The following ATP13A5 variants were observed in gnomAD, a reference collection of about 807,000 sequenced individuals.
ATP13A5 encodes the protein probable cation-transporting ATPase 13A5.
A neutral mutation model predicts 150.2 loss-of-function variants in ATP13A5; 149 were observed. That is an observed-to-expected ratio of 0.99 (90% confidence interval 0.87 to 1.14). ATP13A5 has a LOEUF of 1.14. Ranked by LOEUF, ATP13A5 falls within the 50% of genes most tolerant of loss-of-function variation. The pLI, the probability that ATP13A5 is intolerant of heterozygous loss-of-function variation, is 0.00. For missense variants in ATP13A5, 1,383 were observed against 1,449.3 expected (o/e 0.95, Z 0.74); for synonymous variants, 497 against 522.2 (o/e 0.95, Z 0.66).
Position 193,324,891 on chromosome 3 carries a change from G to T in ATP13A5, c.1647C>A (p.Asp549Glu). The change falls in exon 14 of 30, where the codon GAC (aspartate) becomes GAA (glutamate). Residue 549 changes from aspartate to glutamate, a missense_variant. Transcript: ENST00000342358. ...LNGTIQGDPL[D>E]LKMFEGTAWK... ...AGGCAGTGCCCTCAAACATTTTGAG[G>T]TCCAGAGGGTCTCCCTGGATGGTCC... 6.2e-7 allele frequency: 1 copy of T among 1,614,032 alleles called. No individual in the cohort carries two copies. The highest frequency in any genetic ancestry group is 8.5e-7 in the Non-Finnish European group (1 of 1,179,944).
chr3:193,295,723 A>G (rs1057489181), intron 25 of ATP13A5, among the ~76,000 whole-genome samples: 4 of 152,148 alleles, frequency 2.6e-5, no homozygotes, highest in Admixed American at 2.0e-4. Context: ...GATTATCGCC[A>G]TATCTCCATA....
intron 13 of ATP13A5, among the ~76,000 whole-genome samples, chr3:193,325,644 G>A (rs977640417): frequency 1.3e-5 from 2 of 152,218 alleles, no homozygotes; most frequent in African/African-American, 4.8e-5. Context: ...CAGGAAATTA[G>A]GGATAGGAAA....
intron 19 of ATP13A5, 120 bp downstream of exon 19, chr3:193,313,913 C>G (rs1718944685): frequency 5.0e-6 from 6 of 1,195,842 alleles, no homozygotes; most frequent in Non-Finnish European, 7.0e-6. Context: ...CTGTCAAACT[C>G]TGGACAGATG....
intron 8 of ATP13A5, among the ~76,000 whole-genome samples, chr3:193,344,771 A>G (rs1712266291): frequency 6.6e-6 from 1 of 152,176 alleles, no homozygotes; most frequent in Non-Finnish European, 1.5e-5. Flanking sequence ...TGTCCAGTGT[A>G]CAAAATTCAA....
At chr3:193,329,809 CT>C (rs2108870970) in intron 12 of ATP13A5, among the ~76,000 whole-genome samples, 1 of 152,296 alleles carries the variant, frequency 6.6e-6, no homozygotes, top group South Asian at 2.1e-4. Flanking sequence ...TCCTTTTTGT[CT>C]GGGACAAGCA....
rs1255053924 is a variant in ATP13A5, at chr3:193,317,501, A to G, written c.2033+1490T>C. Reference sequence around the variant, plus strand: ...GATTTGCTAAACTGGTGAAGGGGTGAGCCTTGATGGAGTATTTATCCTGCT... The same window carrying G: ...GATTTGCTAAACTGGTGAAGGGGTGGGCCTTGATGGAGTATTTATCCTGCT... On this transcript the variant is annotated intron_variant, in intron 17 of 29. Transcript: ENST00000342358. Among the ~76,000 whole-genome samples, 3 of 152,192 alleles carry G rather than the reference A, an allele frequency of 2.0e-5. No individual in the cohort carries two copies. The East Asian group carries it at 5.8e-4, about 29-fold the overall frequency.
At chr3:193,311,627 G>A (rs1039700016) in intron 20 of ATP13A5, among the ~76,000 whole-genome samples, 189 bp downstream of exon 20, 3 of 152,142 alleles carry the variant, frequency 2.0e-5, no homozygotes, top group African/African-American at 7.2e-5. Context: ...ACGGGAGGCC[G>A]TGGGTCTGCC....
At position 193,324,950 on chromosome 3, in the gene ATP13A5, T is replaced by C. The variant is rs752146025; in HGVS notation, c.1588A>G (p.Met530Val). ...AVPWSPLCAA[M>V]ASCHSLILLN... Reference sequence around the variant, plus strand: ...AGGATCAGAGAGTGGCAGCTGGCCATGGCCGCACACAGTGGGCTCCATGGC... The same window carrying C: ...AGGATCAGAGAGTGGCAGCTGGCCACGGCCGCACACAGTGGGCTCCATGGC... Residue 530 changes from methionine to valine, a missense_variant, in exon 14 of 30, where the codon ATG (methionine) becomes GTG (valine). Physicochemically the swap from Met to Val is conservative, Grantham distance 21. Around this residue, in one of 3 missense-constraint regions of ATP13A5, gnomAD observed 787 missense variants for 771.9 expected, o/e 1.02. Transcript: ENST00000342358. The C allele has an allele frequency of 2.5e-6, 4 of 1,613,234 alleles. No homozygotes were observed. Among genetic ancestry groups the C allele is most frequent in the Non-Finnish European group, 2.5e-6 (3 of 1,179,916 alleles).
intron 16 of ATP13A5, among the ~76,000 whole-genome samples, chr3:193,319,793 A>G (rs1354037302): frequency 6.6e-6 from 1 of 152,206 alleles, no homozygotes; most frequent in African/African-American, 2.4e-5. Flanking sequence ...ACTAGGATGC[A>G]CAGGCTAAAT....
At chr3:193,362,164 A>G (rs1350823954) in intron 5 of ATP13A5, among the ~76,000 whole-genome samples, 1 of 152,244 alleles carries the variant, frequency 6.6e-6, no homozygotes, top group African/African-American at 2.4e-5. Context: ...CCTGAGATAA[A>G]AGATCAAATT....
At chr3:193,301,626 T>A (rs1718398555) in intron 23 of ATP13A5, among the ~76,000 whole-genome samples, 1 of 152,222 alleles carries the variant, frequency 6.6e-6, no homozygotes, top group Non-Finnish European at 1.5e-5. Flanking sequence ...AAGATTACTA[T>A]GTGTATTATA....
intron 11 of ATP13A5, among the ~76,000 whole-genome samples, chr3:193,333,109 A>G (rs1711697205): frequency 6.6e-6 from 1 of 151,154 alleles, no homozygotes; most frequent in African/African-American, 2.4e-5. Flanking sequence ...GTCTTTTCCC[A>G]CCAATATTCA....
intron 1 of ATP13A5, among the ~76,000 whole-genome samples, chr3:193,371,718 T>C (rs1218062866): frequency 6.6e-6 from 1 of 152,154 alleles, no homozygotes; most frequent in Non-Finnish European, 1.5e-5. Context: ...AGAACCTCCC[T>C]TGCATCAGAC....
chr3:193,363,914 G>C (rs1200836816), intron 2 of ATP13A5, among the ~76,000 whole-genome samples, 193 bp downstream of exon 2: 1 of 152,142 alleles, frequency 6.6e-6, no homozygotes, highest in South Asian at 2.1e-4. Context: ...TTCCTTCCTG[G>C]GTCAAAATGA....
chr3:193,320,124 G>T (rs1028474096), intron 16 of ATP13A5, among the ~76,000 whole-genome samples: 1 of 152,164 alleles, frequency 6.6e-6, no homozygotes, highest in Non-Finnish European at 1.5e-5. Context: ...ACAATGGGAG[G>T]TATAGTAGCT....
intron 25 of ATP13A5, among the ~76,000 whole-genome samples, chr3:193,298,106 C>G (rs1399237844): frequency 6.6e-6 from 1 of 152,034 alleles, no homozygotes; most frequent in Non-Finnish European, 1.5e-5. Context: ...CCAGAGGTCA[C>G]GAAAACAGGC....
intron 6 of ATP13A5, among the ~76,000 whole-genome samples, chr3:193,351,622 T>TG (rs1712566582): frequency 6.6e-6 from 1 of 152,186 alleles, no homozygotes. Context: ...GCAGATTTAG[T>TG]CAAGTTGCGC....
intron 7 of ATP13A5, among the ~76,000 whole-genome samples, chr3:193,348,353 A>T (rs1353715550): frequency 6.6e-6 from 1 of 152,152 alleles, no homozygotes; most frequent in African/African-American, 2.4e-5. Flanking sequence ...AGAGATGAGT[A>T]ATGAGGGTAT....
chr3:193,300,903 G>A (rs1472579778), intron 24 of ATP13A5, among the ~76,000 whole-genome samples: 1 of 152,086 alleles, frequency 6.6e-6, no homozygotes, highest in East Asian at 1.9e-4. Flanking sequence ...TCCATTTCCT[G>A]CTGAATTATA....
Sources: gnomAD v4.1 joint callset for allele counts (sites outside exome capture counted in the v4.1 genomes callset) on GRCh38, gnomAD v4.1.1 for gene constraint, gnomAD v4.1.1 regional missense constraint, MANE v1.5 for transcripts, NCBI Gene and HGNC (gene_info 2026-07-23, HGNC 2026-07-21) for gene names.